Variants in ZNF804B observed in about 807,000 individuals in gnomAD.
ZNF804B encodes zinc finger protein 804B.
ZNF804B carries 80 observed loss-of-function variants against 101.4 expected under a neutral mutation model. The ratio of observed to expected loss-of-function variants is 0.79; its 90% confidence interval spans 0.66 to 0.95. The LOEUF (loss-of-function observed/expected upper bound fraction) is 0.95, where lower values mean the gene tolerates loss of function less well. Among genes scored for constraint, ZNF804B ranks in the 40% least tolerant of loss-of-function variants. The pLI, the probability that ZNF804B is intolerant of heterozygous loss-of-function variation, is 0.00. For missense variants in ZNF804B, 1,673 were observed against 1,561.9 expected (o/e 1.07, Z -1.20); for synonymous variants, 622 against 558.8 (o/e 1.11, Z -1.59).
chr7:89,220,901 C>G (rs182198024), intron 2 of ZNF804B, among the ~76,000 whole-genome samples: 207 of 152,090 alleles, frequency 1.4e-3, no homozygotes, highest in Middle Eastern at 0.01. Context: ...CAAAATTCTA[C>G]TCACTGTTAT....
intron 1 of ZNF804B, among the ~76,000 whole-genome samples, chr7:89,148,929 ATC>A (rs1790829406): frequency 1.3e-5 from 2 of 152,060 alleles, no homozygotes; most frequent in Non-Finnish European, 2.9e-5. Flanking sequence ...GCCATAAACA[ATC>A]AGGTCCACAG....
At chr7:88,812,401 G>A (rs1790804289) in intron 1 of ZNF804B, among the ~76,000 whole-genome samples, 1 of 152,184 alleles carries the variant, frequency 6.6e-6, no homozygotes, top group Non-Finnish European at 1.5e-5. Context: ...TGGAATGCTT[G>A]TACACTGTTG....
intron 2 of ZNF804B, among the ~76,000 whole-genome samples, chr7:89,295,417 C>T (rs1790366496): frequency 6.6e-6 from 1 of 152,142 alleles, no homozygotes; most frequent in Non-Finnish European, 1.5e-5. Flanking sequence ...TAATTTTTCT[C>T]ACCATGAAGA....
At chr7:88,842,923 C>CT (rs1307329415) in intron 1 of ZNF804B, among the ~76,000 whole-genome samples, 1 of 151,938 alleles carries the variant, frequency 6.6e-6, no homozygotes, top group African/African-American at 2.4e-5. Context: ...ATTCATGATT[C>CT]TGCAATACAG....
chr7:88,770,723 T>A (rs1465961276), intron 1 of ZNF804B, among the ~76,000 whole-genome samples: 1 of 152,188 alleles, frequency 6.6e-6, no homozygotes, highest in African/African-American at 2.4e-5. Context: ...TTCTTTCTTT[T>A]ACTCACTGGA....
intron 1 of ZNF804B, among the ~76,000 whole-genome samples, chr7:88,767,880 T>C (rs1289892224): frequency 6.6e-6 from 1 of 152,212 alleles, no homozygotes; most frequent in Non-Finnish European, 1.5e-5. Flanking sequence ...TTTTTACCCT[T>C]CATTTGTTGG....
At chr7:89,045,570 T>G (rs1400490681) in intron 1 of ZNF804B, among the ~76,000 whole-genome samples, 2 of 152,202 alleles carry the variant, frequency 1.3e-5, no homozygotes, top group African/African-American at 2.4e-5. Flanking sequence ...AACACTTGCA[T>G]CAGCATGACT....
At chr7:88,852,167 G>C (rs1417115380) in intron 1 of ZNF804B, among the ~76,000 whole-genome samples, 1 of 151,996 alleles carries the variant, frequency 6.6e-6, no homozygotes, top group East Asian at 1.9e-4. Flanking sequence ...TTGCAGACAG[G>C]GCAAAGTTGA....
At chr7:88,812,535 G>A (rs969996639) in intron 1 of ZNF804B, among the ~76,000 whole-genome samples, 6 of 152,212 alleles carry the variant, frequency 3.9e-5, no homozygotes, top group African/African-American at 1.2e-4. Flanking sequence ...AGAATCAAAA[G>A]TAGGGTCTCC....
At chr7:89,255,448 A>G (rs1789613515) in intron 2 of ZNF804B, among the ~76,000 whole-genome samples, 1 of 152,224 alleles carries the variant, frequency 6.6e-6, no homozygotes, top group Non-Finnish European at 1.5e-5. Flanking sequence ...AGCAGCCTTG[A>G]AACTATTCCA....
intron 3 of ZNF804B, among the ~76,000 whole-genome samples, chr7:89,332,454 GA>G (rs1004319726): frequency 7.9e-6 from 1 of 126,110 alleles, no homozygotes; most frequent in Non-Finnish European, 1.5e-5. Context: ...TATGGAACAA[GA>G]AAAAGAATGC....
At chr7:89,202,290 T>C (rs781547976) in intron 1 of ZNF804B, among the ~76,000 whole-genome samples, 40 of 152,254 alleles carry the variant, frequency 2.6e-4, no homozygotes, top group Non-Finnish European at 4.6e-4. Context: ...AAGGTGTAGC[T>C]TCCTCCTTTC....
intron 1 of ZNF804B, among the ~76,000 whole-genome samples, chr7:88,900,712 G>A (rs1045432305): frequency 2.7e-5 from 4 of 150,932 alleles, no homozygotes; most frequent in African/African-American, 9.7e-5. Flanking sequence ...ATAATAGAAT[G>A]ATATAAAAAG....
At chr7:89,330,980 A>G (rs988867531) in intron 3 of ZNF804B, among the ~76,000 whole-genome samples, 1 of 150,868 alleles carries the variant, frequency 6.6e-6, no homozygotes, top group Admixed American at 6.6e-5. Context: ...AATCAGCAAA[A>G]TTATTATTAA....
chr7:89,158,295 C>A (rs1014014450), intron 1 of ZNF804B, among the ~76,000 whole-genome samples: 2 of 152,148 alleles, frequency 1.3e-5, no homozygotes, highest in African/African-American at 2.4e-5. Context: ...AGACTGCATT[C>A]TCTTTAAATT....
At chr7:88,818,966 G>T (rs1790929226) in intron 1 of ZNF804B, among the ~76,000 whole-genome samples, 3 of 152,088 alleles carry the variant, frequency 2.0e-5, no homozygotes, top group Non-Finnish European at 2.9e-5. Flanking sequence ...GATATAATTA[G>T]AACATTTTAG....
chr7:88,926,177 A>G (rs1028091047), intron 1 of ZNF804B, among the ~76,000 whole-genome samples: 2 of 152,160 alleles, frequency 1.3e-5, no homozygotes, highest in African/African-American at 4.8e-5. Context: ...GCATCTGATA[A>G]ACCTTTTAAT....
At chr7:89,043,906 G>A (rs747692284) in intron 1 of ZNF804B, among the ~76,000 whole-genome samples, 1 of 152,218 alleles carries the variant, frequency 6.6e-6, no homozygotes, top group South Asian at 2.1e-4. Context: ...AGGAGCTAAA[G>A]TAAGTTAATA....
At chr7:88,818,165 G>T (rs982785404) in intron 1 of ZNF804B, among the ~76,000 whole-genome samples, 1 of 151,998 alleles carries the variant, frequency 6.6e-6, no homozygotes, top group African/African-American at 2.4e-5. Flanking sequence ...TATAATAAAT[G>T]AATAAATGTT....
Sources: allele counts gnomAD v4.1 joint callset (sites outside exome capture counted in the v4.1 genomes callset), GRCh38; gene constraint gnomAD v4.1.1; transcripts MANE v1.5; gene names NCBI Gene and HGNC (gene_info 2026-07-23, HGNC 2026-07-21).